GPHN: variants seen among roughly 807,000 people sequenced by gnomAD.
GPHN encodes gephyrin.
GPHN carries 17 observed loss-of-function variants against 95.5 expected under a neutral mutation model. That is an observed-to-expected ratio of 0.18 (90% CI 0.12 to 0.27). The LOEUF (loss-of-function observed/expected upper bound fraction) is 0.27. Among genes scored for constraint, GPHN ranks in the 10% least tolerant of loss-of-function variants. The pLI is 1.00. For missense variants in GPHN, 660 were observed against 978.1 expected (o/e 0.67, Z 4.34); for synonymous variants, 320 against 322.5 (o/e 0.99, Z 0.08).
At chr14:67,370,574 C>T in the GPHN span, among the ~76,000 whole-genome samples, 1 of 152,138 alleles carries the variant, frequency 6.6e-6, no homozygotes, top group Non-Finnish European at 1.5e-5. Context: ...AAGGGAATAT[C>T]ATTACCAATT....
the GPHN span, among the ~76,000 whole-genome samples, chr14:67,420,284 A>C: frequency 6.6e-6 from 1 of 152,156 alleles, no homozygotes; most frequent in Non-Finnish European, 1.5e-5. Context: ...CCATACACCC[A>C]GCTCCGCCTC....
intron 1 of GPHN, among the ~76,000 whole-genome samples, chr14:66,543,009 A>G (rs2059409586): frequency 1.3e-5 from 2 of 152,188 alleles, no homozygotes; most frequent in African/African-American, 4.8e-5. Flanking sequence ...AAAAAGGCAC[A>G]TTTTACATGG....
At chr14:66,663,994 G>A (rs2065805115) in intron 1 of GPHN, among the ~76,000 whole-genome samples, 1 of 152,124 alleles carries the variant, frequency 6.6e-6, no homozygotes, top group African/African-American at 2.4e-5. Context: ...AGTTATTAGA[G>A]ACCTTCAAAG....
the GPHN span, among the ~76,000 whole-genome samples, chr14:67,445,463 T>C: frequency 6.6e-6 from 1 of 152,028 alleles, no homozygotes; most frequent in Non-Finnish European, 1.5e-5. Context: ...TGACACATAT[T>C]TGGTGTCAGT....
intron 1 of GPHN, among the ~76,000 whole-genome samples, chr14:66,590,416 A>C (rs775914859): frequency 6.6e-6 from 1 of 152,218 alleles, no homozygotes; most frequent in Non-Finnish European, 1.5e-5. Flanking sequence ...AGCCAGACTA[A>C]TAAAGAAGAA....
chr14:67,224,603 C>G, the GPHN span: 1 of 265,138 alleles, frequency 3.8e-6, no homozygotes, highest in South Asian at 3.5e-5. Context: ...CCTTTCTAGG[C>G]TTTATTCTCC....
intron 1 of GPHN, among the ~76,000 whole-genome samples, chr14:66,613,689 T>A (rs898360303): frequency 6.6e-6 from 1 of 152,002 alleles, no homozygotes; most frequent in African/African-American, 2.4e-5. Flanking sequence ...ATGTTCTTAT[T>A]TTTCTTGGAT....
At chr14:67,678,780 G>A in the GPHN span, among the ~76,000 whole-genome samples, 1 of 152,014 alleles carries the variant, frequency 6.6e-6, no homozygotes, top group Non-Finnish European at 1.5e-5. Context: ...CAGAGCCTTG[G>A]ACAATGTCAT....
chr14:66,709,909 G>A (rs2069451985), intron 2 of GPHN, among the ~76,000 whole-genome samples: 2 of 151,528 alleles, frequency 1.3e-5, no homozygotes, highest in Admixed American at 1.3e-4. Flanking sequence ...TTGGATTGCA[G>A]GAACAAAGTT....
At chr14:67,557,376 A>T in the GPHN span, 1 of 1,613,924 alleles carries the variant, frequency 6.2e-7, no homozygotes, top group Admixed American at 1.7e-5. Context: ...TAAAGGGCAA[A>T]GATGAGCTCA....
chr14:66,694,962 A>G (rs1450987544), intron 2 of GPHN, among the ~76,000 whole-genome samples: 1 of 152,064 alleles, frequency 6.6e-6, no homozygotes, highest in Non-Finnish European at 1.5e-5. Flanking sequence ...GTTCATGACC[A>G]AGCCTGGCCA....
the GPHN span, among the ~76,000 whole-genome samples, chr14:67,247,280 T>C: frequency 6.6e-6 from 1 of 152,250 alleles, no homozygotes; most frequent in African/African-American, 2.4e-5. Flanking sequence ...TTTTTGGTCC[T>C]ATTGTAAATG....
At chr14:67,454,269 T>C in the GPHN span, 1 of 152,254 alleles carries the variant, frequency 6.6e-6, no homozygotes, top group African/African-American at 2.4e-5. Context: ...ACTAAATACA[T>C]AGCTGACATG....
intron 2 of GPHN, among the ~76,000 whole-genome samples, chr14:66,686,626 C>T (rs189546407): frequency 6.6e-6 from 1 of 151,904 alleles, no homozygotes; most frequent in African/African-American, 2.4e-5. Context: ...GCTGAATTTG[C>T]TTACCAGCTT....
intron 9 of GPHN, among the ~76,000 whole-genome samples, chr14:67,007,565 T>G (rs2153614185): frequency 6.6e-6 from 1 of 152,350 alleles, no homozygotes; most frequent in African/African-American, 2.4e-5. Context: ...CTGGGGTTAT[T>G]CATTCAACTT....
At chr14:67,202,255 A>T in the GPHN span, among the ~76,000 whole-genome samples, 159 of 152,328 alleles carry the variant, frequency 1.0e-3, no homozygotes, top group African/African-American at 3.6e-3. Context: ...AGCCCCACCA[A>T]CATGGTGAAG....
chr14:67,593,154 A>G, the GPHN span: 1 of 162,400 alleles, frequency 6.2e-6, no homozygotes. Context: ...AACACTTGAT[A>G]GCTTTTGAAG....
chr14:66,710,860 T>C (rs2069551044), intron 2 of GPHN, among the ~76,000 whole-genome samples: 1 of 152,176 alleles, frequency 6.6e-6, no homozygotes, highest in African/African-American at 2.4e-5. Context: ...AATTAGGTAA[T>C]ACATGTAAAA....
chr14:66,952,761 C>T (rs1275491647), intron 8 of GPHN, among the ~76,000 whole-genome samples: 1 of 152,162 alleles, frequency 6.6e-6, no homozygotes, highest in Non-Finnish European at 1.5e-5. Context: ...GTGGCCCAAT[C>T]TCGGCTCACT....
Sources: allele counts gnomAD v4.1 joint callset (sites outside exome capture counted in the v4.1 genomes callset), GRCh38; gene constraint gnomAD v4.1.1; transcripts MANE v1.5; gene names NCBI Gene and HGNC (gene_info 2026-07-23, HGNC 2026-07-21).